ZDHHC21: variants seen among roughly 807,000 people sequenced by gnomAD.
ZDHHC21 encodes zDHHC palmitoyltransferase 21, also known as palmitoyltransferase ZDHHC21.
ZDHHC21 carries 15 observed loss-of-function variants against 34.6 expected under a neutral mutation model. That is an observed-to-expected ratio of 0.43 (90% CI 0.29 to 0.67). The LOEUF (loss-of-function observed/expected upper bound fraction) is 0.67. Among genes scored for constraint, ZDHHC21 ranks in the 30% least tolerant of loss-of-function variants. The pLI, the probability that ZDHHC21 is intolerant of heterozygous loss-of-function variation, is 0.14. For synonymous variants in ZDHHC21, 142 were observed against 101.8 expected (o/e 1.40, Z -2.38); for missense variants, 344 against 327.7 (o/e 1.05, Z -0.38).
Position 14,619,035 on chromosome 9 carries a change from G to C in ZDHHC21, c.729C>G (p.Ile243Met), listed in dbSNP as rs1824773225. Residue 243 changes from isoleucine (I) to methionine (M), a missense_variant, in exon 10 of 10, where the codon ATC (isoleucine) becomes ATG (methionine). Transcript: ENST00000380916. ...FSEVFGTRWK[I>M]LWFIPFRQRQ... Reference sequence around the variant, plus strand: ...TCTGCCTGAAAGGAATGAACCACAGGATCTTCCAACGAGTGCCAAAAACTT... The same window carrying C: ...TCTGCCTGAAAGGAATGAACCACAGCATCTTCCAACGAGTGCCAAAAACTT... 1 of 1,612,456 alleles carries C rather than the reference G, an allele frequency of 6.2e-7. No homozygotes were observed. Among genetic ancestry groups the C allele is most frequent in the African/African-American group, 1.3e-5 (1 of 74,866 alleles).
intron 1 of ZDHHC21, among the ~76,000 whole-genome samples, chr9:14,692,202 T>C (rs576176121): frequency 4.5e-4 from 69 of 152,304 alleles, no homozygotes; most frequent in Admixed American, 4.5e-3. Flanking sequence ...GTTGGAAGAA[T>C]TTAATATTAC....
the ZDHHC21 span, chr9:14,589,217 G>A: frequency 3.3e-5 from 5 of 152,084 alleles, no homozygotes; most frequent in South Asian, 1.0e-3. Flanking sequence ...AACACATAAT[G>A]AAGAAAAGGA....
At chr9:14,692,954 AC>A (rs1319305128) in intron 1 of ZDHHC21, among the ~76,000 whole-genome samples, 1 of 151,834 alleles carries the variant, frequency 6.6e-6, no homozygotes, top group East Asian at 1.9e-4. Context: ...GGAACCCCCC[AC>A]CCCCAGTTGA....
intron 2 of ZDHHC21, among the ~76,000 whole-genome samples, chr9:14,686,206 A>T (rs1454769229): frequency 8.6e-5 from 13 of 151,952 alleles, no homozygotes; most frequent in African/African-American, 2.9e-4. Context: ...AGTATAATTT[A>T]AAAAAAAGAA....
At chr9:14,601,946 T>G in the ZDHHC21 span, among the ~76,000 whole-genome samples, 3 of 151,786 alleles carry the variant, frequency 2.0e-5, no homozygotes, top group South Asian at 2.1e-4. Flanking sequence ...AGTTGAACAA[T>G]GAAAATATAT....
the ZDHHC21 span, among the ~76,000 whole-genome samples, chr9:14,590,806 A>G: frequency 4.6e-5 from 7 of 152,182 alleles, no homozygotes; most frequent in Admixed American, 3.9e-4. Flanking sequence ...TACAAAAGGA[A>G]CGAAGAGCAC....
intron 7 of ZDHHC21, among the ~76,000 whole-genome samples, chr9:14,644,631 T>A (rs147399495): frequency 0.013 from 2,002 of 152,190 alleles, 22 homozygotes; most frequent in Middle Eastern, 0.037. Flanking sequence ...CTTCATACAC[T>A]GAGATGCTCT....
intron 8 of ZDHHC21, among the ~76,000 whole-genome samples, chr9:14,632,052 AAAACACACAC>A (rs1277408965): frequency 1.6e-3 from 238 of 149,652 alleles, no homozygotes; most frequent in African/African-American, 5.2e-3. Context: ...TCAACTAGTT[AAAACACACAC>A]AAACACACAC....
chr9:14,659,859 G>A (rs1340078875), intron 6 of ZDHHC21, among the ~76,000 whole-genome samples: 1 of 152,154 alleles, frequency 6.6e-6, no homozygotes, highest in East Asian at 1.9e-4. Context: ...AGGATTATAA[G>A]AGAAGTGTGC....
intron 6 of ZDHHC21, among the ~76,000 whole-genome samples, chr9:14,659,823 TCTA>T (rs1353301573): frequency 6.6e-6 from 1 of 152,026 alleles, no homozygotes; most frequent in Non-Finnish European, 1.5e-5. Flanking sequence ...AACAAGAAAA[TCTA>T]CTGTGCTTTG....
chr9:14,630,081 G>A (rs1827063688), intron 8 of ZDHHC21, among the ~76,000 whole-genome samples: 1 of 152,090 alleles, frequency 6.6e-6, no homozygotes, highest in African/African-American at 2.4e-5. Flanking sequence ...AATAAAGTCT[G>A]CTGCATAGGT....
chr9:14,607,763 T>A (rs1019658685), downstream of ZDHHC21, among the ~76,000 whole-genome samples: 2 of 152,184 alleles, frequency 1.3e-5, no homozygotes, highest in African/African-American at 4.8e-5. Flanking sequence ...TAAAACAGCG[T>A]TCACCTCTGA....
At chr9:14,686,004 G>C (rs757751772) in intron 2 of ZDHHC21, among the ~76,000 whole-genome samples, 1 of 151,466 alleles carries the variant, frequency 6.6e-6, no homozygotes, top group Admixed American at 6.6e-5. Context: ...GAACTGAACA[G>C]TGAGAACATT....
chr9:14,636,270 A>ATACT (rs1453515924), intron 8 of ZDHHC21, among the ~76,000 whole-genome samples: 4 of 152,210 alleles, frequency 2.6e-5, no homozygotes, highest in African/African-American at 7.2e-5. Context: ...ATAGCTAGCT[A>ATACT]TACTTATATC....
At chr9:14,668,169 C>A (rs1185413999) in intron 5 of ZDHHC21, among the ~76,000 whole-genome samples, 143 of 122,286 alleles carry the variant, frequency 1.2e-3, no homozygotes, top group African/African-American at 4.4e-3. Flanking sequence ...GATACAAAAT[C>A]AATGTACAAA....
In ZDHHC21 at chr9:14,633,342, T is replaced by C. The variant is rs187161628; in HGVS notation, c.621+6554A>G. On this transcript the variant is annotated intron_variant, in intron 8 of 9. Transcript: ENST00000380916. ...GAGGCTCCCCAGTGCAGGAAAAGGG[T>C]AAGTCAGTGACCCCTACTGCCCAAC... Among the ~76,000 whole-genome samples, 9 of 151,996 alleles carry C rather than the reference T, an allele frequency of 5.9e-5. No homozygotes were observed. In the East Asian group the frequency reaches 1.7e-3, roughly 29 times the overall value.
chr9:14,608,052 A>G (rs1478729768), downstream of ZDHHC21, among the ~76,000 whole-genome samples: 1 of 152,210 alleles, frequency 6.6e-6, no homozygotes, highest in Non-Finnish European at 1.5e-5. Context: ...CCAGACATCA[A>G]GTTACAAGTG....
intron 2 of ZDHHC21, among the ~76,000 whole-genome samples, chr9:14,685,144 C>T (rs1333595056): frequency 2.6e-5 from 4 of 151,626 alleles, no homozygotes; most frequent in East Asian, 1.9e-4. Context: ...TAGGCATGGG[C>T]AAGGACTTCA....
chr9:14,615,737 T>TA lies in ZDHHC21; in HGVS notation c.*3228dup, dbSNP rs1824040364. 1 of 151,560 alleles carries TA rather than the reference T, an allele frequency of 6.6e-6. No homozygotes were observed. The highest frequency in any genetic ancestry group is 1.5e-5 in the Non-Finnish European group (1 of 67,708). The allele number at this position is 151,560 out of a possible 1,614,324, so 9.4% of individuals were successfully genotyped here. A position where few individuals can be genotyped will look rare whatever the true frequency, so the allele number is the denominator to read the frequency against. On this transcript the variant is annotated 3_prime_UTR_variant, in exon 10 of 10. Coordinates refer to ENST00000380916, the MANE Select transcript of ZDHHC21 (RefSeq NM_178566.6). ...GTTTGCAGAAAACAACAATGACAAA[T>TA]ATGATTGTTAAGGAGGTGTAACTTA... is the stretch of plus-strand genomic sequence containing the variant.
Sources: allele counts gnomAD v4.1 joint callset (sites outside exome capture counted in the v4.1 genomes callset), GRCh38; gene constraint gnomAD v4.1.1; transcripts MANE v1.5; gene names NCBI Gene and HGNC (gene_info 2026-07-23, HGNC 2026-07-21).